The following ESRP2 variants were observed in gnomAD, a reference collection of about 807,000 sequenced individuals.
ESRP2 encodes the protein RNA binding motif protein 35A.
ESRP2 carries 48 observed loss-of-function variants against 78.6 expected under a neutral mutation model. The observed-to-expected ratio is 0.61, with a 90% CI of 0.48 to 0.78. The LOEUF is 0.78. Ranked by LOEUF, ESRP2 falls within the 30% of genes least tolerant of loss-of-function variation. The pLI is 0.00. For missense variants in ESRP2, 863 were observed against 965.9 expected (o/e 0.89, Z 1.41); for synonymous variants, 383 against 406.7 (o/e 0.94, Z 0.70).
intron 4 of ESRP2, 26 bp downstream of exon 4, chr16:68,233,742 C>A (rs1219754423): frequency 6.3e-7 from 1 of 1,580,326 alleles, no homozygotes; most frequent in South Asian, 1.1e-5. Flanking sequence ...GGCTTCTCCA[C>A]CCTAACCCTG....
In ESRP2 at chr16:68,232,414, G is replaced by T. The variant is rs371060384; in HGVS notation, c.911C>A (p.Ala304Glu). The T allele has an allele frequency of 1.2e-6, 2 of 1,613,988 alleles. No homozygotes were observed. Among genetic ancestry groups the T allele is most frequent in the Non-Finnish European group, 8.5e-7 (1 of 1,180,032 alleles). ...RFVDSEQRDL[A>E]LQRHKHHMGV... The stretch of plus-strand genomic sequence containing the variant: ...CATGTGGTGCTTGTGTCTCTGCAGC[G>T]CTAGGTCCCGCTGCTCGCTGTCCAC... The change falls in exon 8 of 15, where the codon GCG (alanine) becomes GAG (glutamate). Residue 304 changes from alanine to glutamate, a missense_variant. Transcript: ENST00000473183. The surrounding 1 kb of genome is among the most constrained non-coding windows in gnomAD (Gnocchi z 5.2).
Position 68,230,903 on chromosome 16 carries a change from A to G in ESRP2, c.1836T>C (p.Pro612=). The G allele has an allele frequency of 1.2e-6, 2 of 1,613,942 alleles. No homozygotes were observed. The highest frequency in any genetic ancestry group is 4.5e-5 in the East Asian group (2 of 44,852). Residue 612 remains proline, a synonymous_variant, in exon 13 of 15, where the codon CCT becomes CCC. Coordinates refer to ENST00000473183, the MANE Select transcript of ESRP2 (RefSeq NM_024939.3). ...TGGCTGGCCCTGGATAGTAGGCAAC[A>G]GGGGTGGGGGCAGCAGGCACCCTGG... The part of the protein sequence containing the change: ...PAARVPAAPT[P]VAYYPGPATQ...
In ESRP2 at chr16:68,232,489, A is replaced by G; in HGVS notation, c.836T>C (p.Leu279Pro). Reference protein sequence around the residue: ...GLNVARGGVALCLNAQGRRNG... With the variant: ...GLNVARGGVAPCLNAQGRRNG... ...TCTGCGGCCCTGGGCGTTGAGGCAG[A>G]GTGCTACACCACCCCTGTGGAGCCA... is the stretch of plus-strand genomic sequence containing the variant. The change falls in exon 8 of 15, where the codon CTC (leucine) becomes CCC (proline). Residue 279 changes from leucine to proline, a missense_variant. Coordinates refer to ENST00000473183, the MANE Select transcript of ESRP2 (RefSeq NM_024939.3). The surrounding 1 kb of genome is among the most constrained non-coding windows in gnomAD (Gnocchi z 5.2). 6.2e-7 allele frequency: 1 copy of G among 1,614,132 alleles called. No homozygotes were observed. Among genetic ancestry groups the G allele is most frequent in the Non-Finnish European group, 8.5e-7 (1 of 1,180,010 alleles).
intron 4 of ESRP2, 80 bp from the exon 5 acceptor site, chr16:68,233,505 T>C (rs1718273914): frequency 9.4e-7 from 1 of 1,061,666 alleles, no homozygotes; most frequent in Admixed American, 1.7e-5. Context: ...CTCCCCTCCA[T>C]AGACACATGC....
chr16:68,232,087 C>T lies in ESRP2; in HGVS notation c.1014G>A (p.Val338=). ...VKIAGGTSLE[V]ARFLSREDQV... is the part of the protein sequence containing the mutation. ...GGTCTTCCCGTGACAAGAAACGAGC[C>T]ACCTCTAGTGATGTGCCTGTGTATG... Residue 338 remains valine (V), a synonymous_variant, in exon 10 of 15, where the codon GTG becomes GTA. Transcript: ENST00000473183. This position sits in a 1 kb window ranked among gnomAD's most constrained non-coding sequence, Gnocchi z 5.2. The T allele has an allele frequency of 1.2e-6, 2 of 1,613,178 alleles. No individual in the cohort carries two copies. The highest frequency in any genetic ancestry group is 1.1e-5 in the South Asian group (1 of 91,026).
In ESRP2 at chr16:68,232,528, C is replaced by T. The variant is rs2042157808; in HGVS notation, c.822-25G>A. ...CCTGTGGAGCCAGTGCTGTTAGTGC[C>T]TCCTGGGTAGGCCTGTCCAATTGGG... On this transcript the variant is annotated intron_variant, in intron 7 of 14. Coordinates refer to ENST00000473183, the MANE Select transcript of ESRP2 (RefSeq NM_024939.3). The surrounding 1 kb of genome is among the most constrained non-coding windows in gnomAD (Gnocchi z 5.2). 6.2e-7 allele frequency: 1 copy of T among 1,614,122 alleles called. No homozygotes were observed. The highest frequency in any genetic ancestry group is 1.6e-4 in the Middle Eastern group (1 of 6,062).
In ESRP2 at chr16:68,231,148, T is replaced by G. The variant is rs200796602; in HGVS notation, c.1711+30A>C. ...TACAACAGCCTGGCTACCACAGGCC[T>G]CCTCCTCCCCTAGCCCCTAGGGCAC... On this transcript the variant is annotated intron_variant, in intron 12 of 14. Coordinates refer to ENST00000473183, the MANE Select transcript of ESRP2 (RefSeq NM_024939.3). The surrounding 1 kb of genome is among the most constrained non-coding windows in gnomAD (Gnocchi z 6.0). The G allele has an allele frequency of 3.1e-4, 497 of 1,611,940 alleles. 1 individual carries two copies. The East Asian group carries it at 3.7e-3, about 12-fold the overall frequency.
In ESRP2 at chr16:68,235,887, G is replaced by A. The variant is rs2042220692; in HGVS notation, c.159C>T (p.Ile53=). The change falls in exon 1 of 15, where the codon ATC becomes ATT. Residue 53 remains isoleucine (I), a synonymous_variant. Coordinates refer to ENST00000473183, the MANE Select transcript of ESRP2 (RefSeq NM_024939.3). This position sits in a 1 kb window ranked among gnomAD's most constrained non-coding sequence, Gnocchi z 5.5. ...GCTCAACCACTTGCCAAACTAGGAG[G>A]ATTAAGTCGGTCTCGTCCGAGCCCA... ...RDLGSDETDL[I]LLVWQVVEPR... is the part of the protein sequence containing the mutation. 1 of 1,611,604 alleles carries A rather than the reference G, an allele frequency of 6.2e-7. No individual in the cohort carries two copies. The highest frequency in any genetic ancestry group is 2.2e-5 in the East Asian group (1 of 44,834).
In ESRP2 at chr16:68,236,102, G is replaced by C. The variant is rs2042224671; in HGVS notation, c.-57C>G. ...ACGCGGACCGACGAGGCGCACGCAC[G>C]CACCGACCGACCGCAGACGCGGATC... On this transcript the variant is annotated 5_prime_UTR_variant, in exon 1 of 15. Transcript: ENST00000473183. The surrounding 1 kb of genome is among the most constrained non-coding windows in gnomAD (Gnocchi z 5.2). The C allele has an allele frequency of 4.4e-6, 6 of 1,358,368 alleles. No homozygotes were observed. The highest frequency in any genetic ancestry group is 3.1e-5 in the African/African-American group (2 of 64,688). The allele number at this position is 1,358,368 out of a possible 1,614,324, so 84.1% of individuals were successfully genotyped here.
Position 68,232,272 on chromosome 16 carries a change from CCT to C in ESRP2, c.969_970del (p.Glu325GlyfsTer63), listed in dbSNP as rs776832666. 1 of 1,614,192 alleles carries C rather than the reference CCT, an allele frequency of 6.2e-7. No homozygotes were observed. Among genetic ancestry groups the C allele is most frequent in the Non-Finnish European group, 8.5e-7 (1 of 1,180,022 alleles). On this transcript the variant is annotated frameshift_variant, in exon 9 of 15. Coordinates refer to ENST00000473183, the MANE Select transcript of ESRP2 (RefSeq NM_024939.3). LOFTEE classifies it high-confidence loss of function. This position sits in a 1 kb window ranked among gnomAD's most constrained non-coding sequence, Gnocchi z 5.2. Reference sequence around the variant, plus strand: ...CCCTGCAATCTTTACAAACTCCTCCCCTGTCGCTTTATACACCTGTGGGTACA... The same window carrying C: ...CCCTGCAATCTTTACAAACTCCTCCCGTCGCTTTATACACCTGTGGGTACA...
At position 68,231,839 on chromosome 16, in the gene ESRP2, ATG is replaced by A. The variant is rs2042144885; in HGVS notation, c.1260_1261del (p.Ile421Ter). The A allele has an allele frequency of 6.2e-7, 1 of 1,613,584 alleles. No individual in the cohort carries two copies. ...GGCTGCAGTGCTCCGGAAGAGTTCA[ATG>A]TATCGCTTACCCAGCATGCCCTTGT... is the stretch of plus-strand genomic sequence containing the variant. On this transcript the variant is annotated frameshift_variant, in exon 10 of 15. Coordinates refer to ENST00000473183, the MANE Select transcript of ESRP2 (RefSeq NM_024939.3). LOFTEE classifies it high-confidence loss of function. The surrounding 1 kb of genome is among the most constrained non-coding windows in gnomAD (Gnocchi z 6.0).
Position 68,232,171 on chromosome 16 carries a change from G to C in ESRP2, c.998-68C>G. 1 of 1,612,966 alleles carries C rather than the reference G, an allele frequency of 6.2e-7. No individual in the cohort carries two copies. Among genetic ancestry groups the C allele is most frequent in the South Asian group, 1.1e-5 (1 of 90,974 alleles). On this transcript the variant is annotated intron_variant, in intron 9 of 14. Coordinates refer to ENST00000473183, the MANE Select transcript of ESRP2 (RefSeq NM_024939.3). This position sits in a 1 kb window ranked among gnomAD's most constrained non-coding sequence, Gnocchi z 5.2. Reference sequence around the variant, plus strand: ...AGACACTCACCCATGCAGGGGAGCAGGCAGGCAAGGGGTGGTGGGGAAGTG... The same window carrying C: ...AGACACTCACCCATGCAGGGGAGCACGCAGGCAAGGGGTGGTGGGGAAGTG...
intron 5 of ESRP2, 145 bp downstream of exon 5, chr16:68,233,178 TACAG>T: frequency 1.6e-6 from 1 of 619,012 alleles, no homozygotes; most frequent in Non-Finnish European, 2.8e-6. Flanking sequence ...TAGCCTAGGC[TACAG>T]AGGGAGACTG....
chr16:68,232,667 TCCA>T lies in ESRP2; in HGVS notation c.728_730del (p.Val243del). 6.2e-6 allele frequency: 10 copies of T among 1,614,192 alleles called. No homozygotes were observed. Among genetic ancestry groups the T allele is most frequent in the Non-Finnish European group, 8.5e-6 (10 of 1,180,026 alleles). On this transcript the variant is annotated inframe_deletion, in exon 7 of 15. Coordinates refer to ENST00000473183, the MANE Select transcript of ESRP2 (RefSeq NM_024939.3). This position sits in a 1 kb window ranked among gnomAD's most constrained non-coding sequence, Gnocchi z 5.2. ...ACGAGCCCGTACCACAGTCTCACTG[TCCA>T]CCACATCAGCCTTGCTGCTGTAGGG...
In ESRP2 at chr16:68,232,365, C is replaced by T. The variant is rs775924005; in HGVS notation, c.954+6G>A. ...GCCCTGCTCCGCTCCCAGCCCAAAG[C>T]CCCACCTCAATATAGCGGACGCCCA... On this transcript the variant is annotated splice_donor_region_variant and intron_variant, in intron 8 of 14. Coordinates refer to ENST00000473183, the MANE Select transcript of ESRP2 (RefSeq NM_024939.3). This position sits in a 1 kb window ranked among gnomAD's most constrained non-coding sequence, Gnocchi z 5.2. 2 of 1,614,068 alleles carry T rather than the reference C, an allele frequency of 1.2e-6. No homozygotes were observed. The highest frequency in any genetic ancestry group is 1.1e-5 in the South Asian group (1 of 91,068).
In ESRP2 at chr16:68,231,081, G is replaced by C; in HGVS notation, c.1712-54C>G. 6.3e-7 allele frequency: 1 copy of C among 1,597,058 alleles called. No individual in the cohort carries two copies. The highest frequency in any genetic ancestry group is 8.6e-7 in the Non-Finnish European group (1 of 1,168,400). On this transcript the variant is annotated intron_variant, in intron 12 of 14. Coordinates refer to ENST00000473183, the MANE Select transcript of ESRP2 (RefSeq NM_024939.3). The surrounding 1 kb of genome is among the most constrained non-coding windows in gnomAD (Gnocchi z 6.0). Reference sequence around the variant, plus strand: ...CACGGAGCCCAGCACTGCCCTGGGTGGGGTAGCCAGAAAGGAGTCCCCGCT... The same window carrying C: ...CACGGAGCCCAGCACTGCCCTGGGTCGGGTAGCCAGAAAGGAGTCCCCGCT...
chr16:68,234,249 G>T lies in ESRP2; in HGVS notation c.328-142C>A, dbSNP rs1057217799. 21 of 640,916 alleles carry T rather than the reference G, an allele frequency of 3.3e-5. No homozygotes were observed. In the African/African-American group the frequency reaches 3.7e-4, roughly 11 times the overall value. The allele number at this position is 640,916 out of a possible 1,614,324, so 39.7% of individuals were successfully genotyped here. A position where few individuals can be genotyped will look rare whatever the true frequency, so the allele number is the denominator to read the frequency against. On this transcript the variant is annotated intron_variant, in intron 2 of 14. Transcript: ENST00000473183. ...ATCCTGCCTGGGAATAAGAGGCCAC[G>T]CCTGTTGAGCCTAGCCCTATGTCCC...
In ESRP2 at chr16:68,230,243, C is replaced by G; in HGVS notation, c.2137G>C (p.Glu713Gln). ...TTTCTCTCCTACAAACACACCCATTCCTTGGGGGCTTGTAACACAGTGCGA... is the reference window on the plus strand; with the variant it reads ...TTTCTCTCCTACAAACACACCCATTGCTTGGGGGCTTGTAACACAGTGCGA... ...PPRTVLQAPK[E>Q]WVCL The change falls in exon 15 of 15, where the codon GAA becomes CAA. Residue 713 changes from glutamate to glutamine, a missense_variant. Glu to Gln is a conservative substitution (Grantham distance 29). Coordinates refer to ENST00000473183, the MANE Select transcript of ESRP2 (RefSeq NM_024939.3). The G allele has an allele frequency of 1.2e-6, 2 of 1,614,198 alleles. No homozygotes were observed. The highest frequency in any genetic ancestry group is 1.7e-6 in the Non-Finnish European group (2 of 1,180,026).
In ESRP2 at chr16:68,232,278, G is replaced by A. The variant is rs752955291; in HGVS notation, c.965C>T (p.Ala322Val). The A allele has an allele frequency of 6.8e-6, 11 of 1,614,020 alleles. No individual in the cohort carries two copies. The highest frequency in any genetic ancestry group is 4.0e-5 in the African/African-American group (3 of 74,900). The change falls in exon 9 of 15, where the codon GCG becomes GTG. Residue 322 changes from alanine to valine, a missense_variant. Physicochemically the swap from Ala to Val is moderately conservative, Grantham distance 64. Transcript: ENST00000473183. This position sits in a 1 kb window ranked among gnomAD's most constrained non-coding sequence, Gnocchi z 5.2. ...AATCTTTACAAACTCCTCCCCTGTCGCTTTATACACCTGTGGGTACAGAGA... is the reference window on the plus strand; with the variant it reads ...AATCTTTACAAACTCCTCCCCTGTCACTTTATACACCTGTGGGTACAGAGA... Reference protein sequence around the residue: ...MGVRYIEVYKATGEEFVKIAG... With the variant: ...MGVRYIEVYKVTGEEFVKIAG...
Sources: gnomAD v4.1 joint callset for allele counts on GRCh38, gnomAD v4.1.1 for gene constraint, Gnocchi (gnomAD v3.1) non-coding constraint, MANE v1.5 for transcripts, NCBI Gene and HGNC (gene_info 2026-07-23, HGNC 2026-07-21) for gene names.